The following DOCK1 variants were observed in gnomAD, a reference collection of about 807,000 sequenced individuals.
DOCK1 encodes the protein dedicator of cytokinesis 1.
A neutral mutation model predicts 262.7 loss-of-function variants in DOCK1; 138 were observed. That is an observed-to-expected ratio of 0.53 (90% CI 0.46 to 0.61). The LOEUF (loss-of-function observed/expected upper bound fraction) is 0.61. DOCK1 is among the 20% of genes least tolerant of loss of function. The probability of loss-of-function intolerance (pLI) is 0.00; values close to 1 mark genes in which losing one functional copy is unlikely to be tolerated. For synonymous variants in DOCK1, 866 were observed against 867.4 expected (o/e 1.00, Z 0.03); for missense variants, 1,908 against 2,370.7 (o/e 0.80, Z 4.05).
At chr10:126,986,478 C>A (rs1310506014) in intron 4 of DOCK1, among the ~76,000 whole-genome samples, 1 of 152,212 alleles carries the variant, frequency 6.6e-6, no homozygotes, top group Non-Finnish European at 1.5e-5. Flanking sequence ...CCTAACTACA[C>A]CAGCCACAAA....
chr10:127,180,969 C>G (rs1337529758), intron 27 of DOCK1, among the ~76,000 whole-genome samples: 1 of 152,126 alleles, frequency 6.6e-6, no homozygotes, highest in Non-Finnish European at 1.5e-5. Flanking sequence ...CAGCGTCGTT[C>G]TGGTTTTGCC....
At chr10:127,064,366 G>A (rs1278936001) in intron 23 of DOCK1, among the ~76,000 whole-genome samples, 1 of 152,146 alleles carries the variant, frequency 6.6e-6, no homozygotes, top group African/African-American at 2.4e-5. Flanking sequence ...AGTCAGCCAC[G>A]GGGTTTTACG....
At chr10:127,052,941 T>C in intron 22 of DOCK1, 126 bp downstream of exon 22, 2 of 1,414,824 alleles carry the variant, frequency 1.4e-6, no homozygotes, top group Non-Finnish European at 1.9e-6. Flanking sequence ...CCCCCTTGCT[T>C]TCTAGGCTGA....
intron 49 of DOCK1, among the ~76,000 whole-genome samples, chr10:127,440,735 C>CT (rs2070059787): frequency 6.6e-6 from 1 of 152,246 alleles, no homozygotes. Context: ...CAGGCCAGCG[C>CT]TGCTCTGCGG....
intron 23 of DOCK1, among the ~76,000 whole-genome samples, chr10:127,085,112 G>A (rs2047119630): frequency 6.6e-6 from 1 of 152,182 alleles, no homozygotes; most frequent in Non-Finnish European, 1.5e-5. Context: ...ATTTGGAGGG[G>A]AAGAAAGGGA....
chr10:127,081,578 G>T (rs765318832), intron 23 of DOCK1, among the ~76,000 whole-genome samples: 1 of 152,016 alleles, frequency 6.6e-6, no homozygotes, highest in Non-Finnish European at 1.5e-5. Context: ...CTTTCCTGGT[G>T]AGTCTCTGCC....
chr10:127,003,279 CGTGAACCTGT>C (rs968177352), intron 10 of DOCK1, among the ~76,000 whole-genome samples: 23 of 149,914 alleles, frequency 1.5e-4, no homozygotes, highest in East Asian at 7.9e-4. Context: ...TATGAACCTG[CGTGAACCTGT>C]GTGAACCTGC....
intron 27 of DOCK1, among the ~76,000 whole-genome samples, chr10:127,198,972 C>T (rs1416720833): frequency 6.6e-6 from 1 of 151,502 alleles, no homozygotes; most frequent in East Asian, 1.9e-4. Context: ...TTCCTGCCCA[C>T]AGATCCCTCT....
chr10:127,143,700 A>G (rs2051502696), intron 27 of DOCK1, among the ~76,000 whole-genome samples: 2 of 152,146 alleles, frequency 1.3e-5, no homozygotes, highest in South Asian at 4.1e-4. Flanking sequence ...GAGGAAACTA[A>G]AAGTTGGGAT....
intron 29 of DOCK1, among the ~76,000 whole-genome samples, chr10:127,308,698 T>A (rs887021441): frequency 5.3e-5 from 8 of 152,190 alleles, no homozygotes; most frequent in Admixed American, 1.3e-4. Flanking sequence ...TGGTTTTTTG[T>A]TCCTGTATGA....
chr10:127,033,811 A>G (rs1256686006), intron 18 of DOCK1, among the ~76,000 whole-genome samples: 3 of 152,116 alleles, frequency 2.0e-5, no homozygotes, highest in Admixed American at 6.5e-5. Context: ...CCCTGGGTCA[A>G]ATGCTTTTGG....
intron 23 of DOCK1, among the ~76,000 whole-genome samples, chr10:127,073,002 C>A (rs568608114): frequency 7.2e-5 from 11 of 152,318 alleles, no homozygotes; most frequent in African/African-American, 2.6e-4. Flanking sequence ...CTCAAGTGAA[C>A]TGAAGATACT....
At chr10:127,352,415 T>C (rs1265925154) in intron 31 of DOCK1, among the ~76,000 whole-genome samples, 1 of 152,110 alleles carries the variant, frequency 6.6e-6, no homozygotes, top group Admixed American at 6.5e-5. Flanking sequence ...AAGTCACTCC[T>C]GAATTACCCA....
chr10:127,378,661 A>C (rs2065659469), intron 35 of DOCK1, among the ~76,000 whole-genome samples: 2 of 152,230 alleles, frequency 1.3e-5, no homozygotes, highest in Admixed American at 1.3e-4. Context: ...TGTAAAGAAA[A>C]ATGATCAAAA....
At chr10:126,910,991 T>C (rs2031678563) in intron 1 of DOCK1, among the ~76,000 whole-genome samples, 1 of 152,188 alleles carries the variant, frequency 6.6e-6, no homozygotes, top group South Asian at 2.1e-4. Flanking sequence ...CTGTGACAAA[T>C]ACAGCTGCTG....
intron 27 of DOCK1, among the ~76,000 whole-genome samples, chr10:127,181,518 A>C (rs11597074): frequency 1.3e-5 from 2 of 152,116 alleles, no homozygotes; most frequent in Non-Finnish European, 2.9e-5. Context: ...GCATATAGTA[A>C]GATAGCTAGG....
At position 126,980,589 on chromosome 10, in the gene DOCK1, T is replaced by C. The variant is rs181039928; in HGVS notation, c.172-1329T>C. On this transcript the variant is annotated intron_variant, in intron 3 of 51. Transcript: ENST00000623213. Reference sequence around the variant, plus strand: ...CTTCTTTATATGGAATTTGGCCACTTTCCTTGTTGGCAGAAGCAACATGAA... The same window carrying C: ...CTTCTTTATATGGAATTTGGCCACTCTCCTTGTTGGCAGAAGCAACATGAA... Among the ~76,000 whole-genome samples, 48 of 152,318 alleles carry C rather than the reference T, an allele frequency of 3.2e-4. 1 individual carries two copies. Among genetic ancestry groups the C allele is most frequent in the Admixed American group, 2.4e-3 (36 of 15,296 alleles).
At chr10:127,263,827 C>G (rs974099448) in intron 29 of DOCK1, among the ~76,000 whole-genome samples, 18 of 152,088 alleles carry the variant, frequency 1.2e-4, no homozygotes, top group African/African-American at 4.1e-4. Context: ...TGACCACTTG[C>G]TTGAATTTTT....
intron 27 of DOCK1, chr10:127,153,771 C>A: frequency 9.1e-7 from 1 of 1,099,444 alleles, no homozygotes; most frequent in Non-Finnish European, 1.4e-6. Context: ...CCAGCATGGC[C>A]CCAGATCGTT....
Sources: gnomAD v4.1 joint callset for allele counts (sites outside exome capture counted in the v4.1 genomes callset) on GRCh38, gnomAD v4.1.1 for gene constraint, MANE v1.5 for transcripts, NCBI Gene and HGNC (gene_info 2026-07-23, HGNC 2026-07-21) for gene names.